Variants in BRINP3 observed in about 807,000 individuals in gnomAD.
BRINP3 encodes the protein BMP/retinoic acid-inducible neural-specific protein 3.
In BRINP3, 19 loss-of-function variants were observed where a neutral mutation model predicts 71.0. That is an observed-to-expected ratio of 0.27 (90% confidence interval 0.19 to 0.39). The LOEUF is 0.39. Ranked by LOEUF, BRINP3 falls within the 10% of genes least tolerant of loss-of-function variation. The pLI, the probability that BRINP3 is intolerant of heterozygous loss-of-function variation, is 1.00. For synonymous variants in BRINP3, 380 were observed against 337.7 expected (o/e 1.13, Z -1.37); for missense variants, 959 against 940.8 (o/e 1.02, Z -0.25).
rs796175318 is a variant in BRINP3 at position 190,445,906 on chromosome 1, A to T, written c.236+8749T>A. 4.0e-4 allele frequency among the ~76,000 whole-genome samples: 61 copies of T among 152,324 alleles called. 1 individual carries two copies. The highest frequency in any genetic ancestry group is 1.5e-3 in the African/African-American group (61 of 41,592). On this transcript the variant is annotated intron_variant, in intron 2 of 7. Coordinates refer to ENST00000367462, the MANE Select transcript of BRINP3 (RefSeq NM_199051.3). ...TCATAATTGTTGTTTACTATTCTGTAAATAATTGTGTTAACTAGCAATCTT... is the reference window on the plus strand; with the variant it reads ...TCATAATTGTTGTTTACTATTCTGTTAATAATTGTGTTAACTAGCAATCTT...
intron 6 of BRINP3, among the ~76,000 whole-genome samples, chr1:190,165,967 A>G (rs1651498116): frequency 6.6e-6 from 1 of 152,160 alleles, no homozygotes; most frequent in Non-Finnish European, 1.5e-5. Context: ...TAGAACTGGT[A>G]GATTTTTTAC....
rs190082340 is a variant in BRINP3 at position 190,203,772 on chromosome 1, T to A, written c.961+22310A>T. Among the ~76,000 whole-genome samples the A allele has an allele frequency of 9.5e-4, 43 of 45,324 alleles. No individual in the cohort carries two copies. In the South Asian group the frequency reaches 0.011, roughly 11 times the overall value. 29.7% of individuals were successfully genotyped at this position (45,324 alleles called of 152,430 possible). A position where few individuals can be genotyped will look rare whatever the true frequency, so the allele number is the denominator to read the frequency against. On this transcript the variant is annotated intron_variant, in intron 6 of 7. Coordinates refer to ENST00000367462, the MANE Select transcript of BRINP3 (RefSeq NM_199051.3). ...GAAAATATATATATATATATATATA[T>A]ATATATATATATATATATATATATA...
At chr1:190,404,062 G>T (rs945734107) in intron 2 of BRINP3, among the ~76,000 whole-genome samples, 3 of 152,150 alleles carry the variant, frequency 2.0e-5, no homozygotes, top group Non-Finnish European at 4.4e-5. Context: ...TAATGTTACA[G>T]ATGACCAAAC....
chr1:190,238,214 G>A (rs977159094), intron 4 of BRINP3, among the ~76,000 whole-genome samples: 26 of 151,898 alleles, frequency 1.7e-4, no homozygotes, highest in Non-Finnish European at 2.9e-4. Flanking sequence ...GGTTGAGAAG[G>A]TAGAAACTAT....
At chr1:190,301,310 AC>A (rs1664724391) in intron 2 of BRINP3, among the ~76,000 whole-genome samples, 1 of 146,092 alleles carries the variant, frequency 6.8e-6, no homozygotes, top group Admixed American at 6.9e-5. Flanking sequence ...TAGAAACATT[AC>A]CTCCCTTTAC....
intron 4 of BRINP3, among the ~76,000 whole-genome samples, chr1:190,250,342 C>T (rs761805629): frequency 1.2e-4 from 18 of 151,946 alleles, no homozygotes; most frequent in Non-Finnish European, 1.0e-4. Flanking sequence ...AAATTTAAGA[C>T]GGAGAAATAA....
intron 2 of BRINP3, among the ~76,000 whole-genome samples, chr1:190,328,426 T>C (rs909480675): frequency 8.6e-5 from 13 of 151,966 alleles, no homozygotes; most frequent in Non-Finnish European, 1.8e-4. Flanking sequence ...CTATTATGAA[T>C]ACCTCTACAC....
In BRINP3 at chr1:190,265,070, T is replaced by C; in HGVS notation, c.428-15A>G. 6.3e-7 allele frequency: 1 copy of C among 1,575,416 alleles called. No homozygotes were observed. Among genetic ancestry groups the C allele is most frequent in the Non-Finnish European group, 8.6e-7 (1 of 1,166,914 alleles). The stretch of plus-strand genomic sequence containing the variant: ...TGACTCCTCTCCTGCATTAATAATA[T>C]TTCAAATTATTCAATTTTCCACTTA... On this transcript the variant is annotated splice_polypyrimidine_tract_variant and intron_variant, in intron 3 of 7. Coordinates refer to ENST00000367462, the MANE Select transcript of BRINP3 (RefSeq NM_199051.3).
chr1:190,407,202 CAT>C (rs1255728512), intron 2 of BRINP3, among the ~76,000 whole-genome samples: 1 of 152,032 alleles, frequency 6.6e-6, no homozygotes, highest in Non-Finnish European at 1.5e-5. Flanking sequence ...TGATTTGTGT[CAT>C]ATATTAGCCA....
At chr1:190,375,507 A>T (rs1407508432) in intron 2 of BRINP3, among the ~76,000 whole-genome samples, 1 of 151,994 alleles carries the variant, frequency 6.6e-6, no homozygotes, top group Non-Finnish European at 1.5e-5. Context: ...ACTGAATAAA[A>T]GCAGTTCGTA....
intron 6 of BRINP3, among the ~76,000 whole-genome samples, chr1:190,188,974 C>G (rs983665339): frequency 6.6e-6 from 1 of 152,040 alleles, no homozygotes; most frequent in Non-Finnish European, 1.5e-5. Context: ...ATTGGCCAGA[C>G]TGGTCTCGAA....
At chr1:190,127,845 AC>A (rs1263319256) in intron 7 of BRINP3, among the ~76,000 whole-genome samples, 9 of 151,752 alleles carry the variant, frequency 5.9e-5, no homozygotes, top group Admixed American at 4.0e-4. Flanking sequence ...TGAATGATGA[AC>A]TTTTTTCATG....
At chr1:190,149,013 C>T (rs1656158585) in intron 7 of BRINP3, among the ~76,000 whole-genome samples, 1 of 152,140 alleles carries the variant, frequency 6.6e-6, no homozygotes, top group African/African-American at 2.4e-5. Flanking sequence ...AGTAATCTTG[C>T]TTAATTTGTT....
At chr1:190,410,502 T>C (rs1029865427) in intron 2 of BRINP3, among the ~76,000 whole-genome samples, 31 of 152,074 alleles carry the variant, frequency 2.0e-4, no homozygotes, top group Non-Finnish European at 7.4e-5. Flanking sequence ...TAAATTTGGA[T>C]GTCATCAGTG....
At chr1:190,442,809 T>C (rs918492202) in intron 2 of BRINP3, among the ~76,000 whole-genome samples, 9 of 151,254 alleles carry the variant, frequency 6.0e-5, no homozygotes, top group Non-Finnish European at 1.2e-4. Context: ...TGCGTGTGTG[T>C]GTGTGTGTGT....
chr1:190,295,554 C>A (rs1664182535), intron 2 of BRINP3, among the ~76,000 whole-genome samples: 1 of 152,118 alleles, frequency 6.6e-6, no homozygotes, highest in South Asian at 2.1e-4. Context: ...TTACTGAGGG[C>A]CCGAGGCCAC....
intron 2 of BRINP3, among the ~76,000 whole-genome samples, chr1:190,326,023 A>G (rs1571753716): frequency 6.6e-6 from 1 of 152,128 alleles, no homozygotes; most frequent in Non-Finnish European, 1.5e-5. Flanking sequence ...AAGGTTGAAA[A>G]TTGACACAAA....
intron 2 of BRINP3, among the ~76,000 whole-genome samples, chr1:190,339,390 T>A (rs538633958): frequency 6.6e-6 from 1 of 152,162 alleles, no homozygotes; most frequent in Admixed American, 6.6e-5. Context: ...CTTACACATC[T>A]TTCTACAGTA....
At chr1:190,310,717 T>C (rs915723015) in intron 2 of BRINP3, among the ~76,000 whole-genome samples, 34 of 151,788 alleles carry the variant, frequency 2.2e-4, no homozygotes, top group South Asian at 6.2e-4. Flanking sequence ...TAATTATATA[T>C]TCATAGAACA....
Sources: allele counts gnomAD v4.1 joint callset (sites outside exome capture counted in the v4.1 genomes callset), GRCh38; gene constraint gnomAD v4.1.1; transcripts MANE v1.5; gene names NCBI Gene and HGNC (gene_info 2026-07-23, HGNC 2026-07-21).